ENTPD5: variants seen among roughly 807,000 people sequenced by gnomAD.
ENTPD5 encodes the protein nucleoside diphosphate phosphatase ENTPD5.
A neutral mutation model predicts 60.2 loss-of-function variants in ENTPD5; 49 were observed. That is an observed-to-expected ratio of 0.81 (90% CI 0.65 to 1.03). The LOEUF is 1.03. Ranked by LOEUF, ENTPD5 falls within the 50% of genes least tolerant of loss-of-function variation. ENTPD5 has a pLI of 0.00. For synonymous variants in ENTPD5, 187 were observed against 185.4 expected, an observed-to-expected ratio of 1.01 and a Z score of -0.07; for missense variants, 480 against 507.6, an observed-to-expected ratio of 0.95 and a Z score of 0.52.
At chr14:73,975,693 C>A (rs2057411974) in intron 10 of ENTPD5, among the ~76,000 whole-genome samples, 1 of 152,140 alleles carries the variant, frequency 6.6e-6, no homozygotes, top group Admixed American at 6.5e-5. Context: ...CATGAAGCCA[C>A]TGCACCCAGC....
chr14:73,989,382 TG>T (rs2058039090), intron 3 of ENTPD5, among the ~76,000 whole-genome samples: 2 of 148,216 alleles, frequency 1.3e-5, no homozygotes. Context: ...GCCAACATGG[TG>T]AAACCCTGTA....
chr14:73,992,769 G>A (rs1046480079), intron 3 of ENTPD5, among the ~76,000 whole-genome samples: 1 of 151,952 alleles, frequency 6.6e-6, no homozygotes, highest in Non-Finnish European at 1.5e-5. Flanking sequence ...TTGGGAGGCC[G>A]AGGCGGGCGG....
intron 3 of ENTPD5, among the ~76,000 whole-genome samples, chr14:74,007,365 T>TA (rs200270127): frequency 0.11 from 16,087 of 151,952 alleles, 1,144 homozygotes; most frequent in Admixed American, 0.19. Flanking sequence ...ACTAAAAATA[T>TA]AAAAAATTAG....
At chr14:73,976,939 C>T in intron 8 of ENTPD5, 85 bp downstream of exon 8, 1 of 1,194,602 alleles carries the variant, frequency 8.4e-7, no homozygotes, top group Non-Finnish European at 1.2e-6. Context: ...AGAAACAATA[C>T]AGAATGAAAG....
downstream of ENTPD5, chr14:73,961,444 T>C (rs1424625250): frequency 2.5e-6 from 4 of 1,614,208 alleles, no homozygotes; most frequent in Non-Finnish European, 3.4e-6. Context: ...TGAACTCTGC[T>C]TTATTCTTAG....
chr14:73,985,701 C>T (rs935854773), intron 5 of ENTPD5, among the ~76,000 whole-genome samples: 1 of 152,022 alleles, frequency 6.6e-6, no homozygotes, highest in Non-Finnish European at 1.5e-5. Context: ...TGCCTGTTTA[C>T]TCTGATGGTA....
chr14:74,006,084 G>T (rs984896263), intron 3 of ENTPD5, among the ~76,000 whole-genome samples: 18 of 151,860 alleles, frequency 1.2e-4, no homozygotes, highest in Admixed American at 3.3e-4. Flanking sequence ...TGCCTCCCAG[G>T]TTCAAGAGAT....
At chr14:73,992,754 G>C (rs965937501) in intron 3 of ENTPD5, among the ~76,000 whole-genome samples, 1 of 151,782 alleles carries the variant, frequency 6.6e-6, no homozygotes, top group African/African-American at 2.4e-5. Flanking sequence ...TATCATCTCA[G>C]CATTTTGGGA....
At position 73,977,048 on chromosome 14, in the gene ENTPD5, A is replaced by C; in HGVS notation, c.529T>G (p.Trp177Gly). The change falls in exon 8 of 16, where the codon TGG (tryptophan) becomes GGG (glycine). Residue 177 changes from tryptophan (W) to glycine (G), a missense_variant. Trp to Gly is a radical substitution (Grantham distance 184, BLOSUM62 -2). Transcript: ENST00000334696. The stretch of plus-strand genomic sequence containing the variant: ...CCTGTCAGAAAATTCACAGTAACCC[A>C]AGCTAATATGCCTAAAAAGAAAGAA... The part of the protein sequence containing the change: ...MDGSDEGILA[W>G]VTVNFLTGQL... 3 of 1,613,720 alleles carry C rather than the reference A, an allele frequency of 1.9e-6. No homozygotes were observed. The highest frequency in any genetic ancestry group is 2.5e-6 in the Non-Finnish European group (3 of 1,179,726).
rs146673772 is a variant in ENTPD5, at chr14:73,979,271, C to T, written c.442-1897G>A. 1.8e-3 allele frequency among the ~76,000 whole-genome samples: 275 copies of T among 152,164 alleles called. 7 individuals carry two copies. In the East Asian group the frequency reaches 0.045, roughly 25 times the overall value. On this transcript the variant is annotated intron_variant, in intron 6 of 15. Coordinates refer to ENST00000334696, the MANE Select transcript of ENTPD5 (RefSeq NM_001249.5). The stretch of plus-strand genomic sequence containing the variant: ...CCCACACTATCAACAGATTCCCTAC[C>T]TGCCTTTCCCTGCTTTTTTTTTTTC...
At chr14:73,981,494 G>GTA (rs140409853) in intron 6 of ENTPD5, among the ~76,000 whole-genome samples, 11,209 of 147,364 alleles carry the variant, frequency 0.076, 645 homozygotes, top group East Asian at 0.32. Context: ...AAAAAAAAAT[G>GTA]TATATATATA....
chr14:73,975,784 G>A (rs2140512468), intron 10 of ENTPD5, 152 bp downstream of exon 10: 1 of 580,354 alleles, frequency 1.7e-6, no homozygotes, highest in South Asian at 2.6e-5. Flanking sequence ...CTCCGGCTTT[G>A]TAAGTGGACC....
intron 8 of ENTPD5, 55 bp from the exon 9 acceptor site, chr14:73,976,467 T>G: frequency 7.3e-7 from 1 of 1,371,780 alleles, no homozygotes; most frequent in East Asian, 2.3e-5. Context: ...AGCCCAACAC[T>G]TGTCTCTCTT....
chr14:73,994,363 G>A (rs1411580556), intron 3 of ENTPD5, among the ~76,000 whole-genome samples: 1 of 151,896 alleles, frequency 6.6e-6, no homozygotes, highest in Non-Finnish European at 1.5e-5. Context: ...CTGACCTCAG[G>A]TGATCCACTC....
chr14:73,973,621 T>C (rs1338197889), intron 12 of ENTPD5, among the ~76,000 whole-genome samples: 1 of 152,166 alleles, frequency 6.6e-6, no homozygotes, highest in Non-Finnish European at 1.5e-5. Flanking sequence ...TTGGAGTAGC[T>C]AGGACAATAG....
chr14:73,972,890 T>C lies in ENTPD5; in HGVS notation c.1021A>G (p.Met341Val). 2.5e-6 allele frequency: 4 copies of C among 1,614,094 alleles called. No homozygotes were observed. Among genetic ancestry groups the C allele is most frequent in the Non-Finnish European group, 2.5e-6 (3 of 1,179,944 alleles). ...ACACCTGGGGTGAACTCACCAATCA[T>C]GTCTGTGTCAACAGCTCGGTCATAA... Reference protein sequence around the residue: ...YYYDRAVDTDMIDYEKGGILK... With the variant: ...YYYDRAVDTDVIDYEKGGILK... The change falls in exon 13 of 16, where the codon ATG (methionine) becomes GTG (valine). Residue 341 changes from methionine to valine, a missense_variant. Physicochemically the swap from Met to Val is conservative, Grantham distance 21. Transcript: ENST00000334696.
chr14:74,001,371 G>A lies in ENTPD5; in HGVS notation c.-71+9720C>T, dbSNP rs112263713. The stretch of plus-strand genomic sequence containing the variant: ...CAAAAAATTAGCTGGGTGTGATGGC[G>A]GGTGCCTATAGTCCCAGCTACTCGG... On this transcript the variant is annotated intron_variant, in intron 3 of 15. Transcript: ENST00000334696. Among the ~76,000 whole-genome samples, 10 of 151,940 alleles carry A rather than the reference G, an allele frequency of 6.6e-5. 1 individual carries two copies. In the South Asian group the frequency reaches 1.9e-3, roughly 28 times the overall value.
chr14:73,976,254 C>T (rs756833802), intron 9 of ENTPD5, 70 bp downstream of exon 9: 28 of 1,337,166 alleles, frequency 2.1e-5, no homozygotes, highest in Admixed American at 1.2e-4. Flanking sequence ...GAAAATGGGG[C>T]GCCTCTTTCT....
At chr14:73,991,614 A>G (rs920423874) in intron 3 of ENTPD5, among the ~76,000 whole-genome samples, 1 of 125,900 alleles carries the variant, frequency 7.9e-6, no homozygotes, top group African/African-American at 2.7e-5. Context: ...TAACCAAAAA[A>G]AAAAAAAAAA....
Sources: allele counts gnomAD v4.1 joint callset (sites outside exome capture counted in the v4.1 genomes callset), GRCh38; gene constraint gnomAD v4.1.1; transcripts MANE v1.5; gene names NCBI Gene and HGNC (gene_info 2026-07-23, HGNC 2026-07-21).